The following KDM2B variants were observed in gnomAD, a reference collection of about 807,000 sequenced individuals.
KDM2B encodes the protein lysine-specific demethylase 2B.
In KDM2B, 26 loss-of-function variants were observed where a neutral mutation model predicts 150.0. The ratio of observed to expected loss-of-function variants is 0.17; its 90% confidence interval spans 0.13 to 0.24. The LOEUF is 0.24. Ranked by LOEUF, KDM2B falls within the 10% of genes least tolerant of loss-of-function variation. The pLI, the probability that KDM2B is intolerant of heterozygous loss-of-function variation, is 1.00. For synonymous variants in KDM2B, 734 were observed against 729.5 expected (o/e 1.01, Z -0.10); for missense variants, 1,265 against 1,816.9 (o/e 0.70, Z 5.52).
chr12:121,486,027 T>A (rs1262835913), intron 12 of KDM2B, among the ~76,000 whole-genome samples: 1 of 152,016 alleles, frequency 6.6e-6, no homozygotes, highest in Non-Finnish European at 1.5e-5. Flanking sequence ...TCCACCCACC[T>A]CAGCCTCCCA....
At position 121,453,450 on chromosome 12, in the gene KDM2B, TG is replaced by T. The variant is rs1336989632; in HGVS notation, c.1735-107del. ...ACTGTGTACCCCCAGAAAGACACGATGGGGGCTCTAAACCCCATTCCTCAGA... is the reference window on the plus strand; with the variant it reads ...ACTGTGTACCCCCAGAAAGACACGATGGGGCTCTAAACCCCATTCCTCAGA... On this transcript the variant is annotated intron_variant, in intron 12 of 22. Coordinates refer to ENST00000377071, the MANE Select transcript of KDM2B (RefSeq NM_032590.5). The surrounding 1 kb of genome is among the most constrained non-coding windows in gnomAD (Gnocchi z 6.4). 1.3e-6 allele frequency: 1 copy of T among 796,932 alleles called. No individual in the cohort carries two copies. The highest frequency in any genetic ancestry group is 2.0e-6 in the Non-Finnish European group (1 of 508,214). 49.4% of individuals were successfully genotyped at this position (796,932 alleles called of 1,614,324 possible). A position where few individuals can be genotyped will look rare whatever the true frequency, so the allele number is the denominator to read the frequency against.
intron 12 of KDM2B, among the ~76,000 whole-genome samples, chr12:121,485,169 G>A (rs1329508341): frequency 6.6e-6 from 1 of 152,090 alleles, no homozygotes; most frequent in African/African-American, 2.4e-5. Flanking sequence ...TTTCTGTCAT[G>A]AGCCTTTGTT....
chr12:121,572,889 G>A lies in KDM2B; in HGVS notation c.397+1658C>T, dbSNP rs551057811. On this transcript the variant is annotated intron_variant, in intron 4 of 22. Coordinates refer to ENST00000377071, the MANE Select transcript of KDM2B (RefSeq NM_032590.5). ...CACCCAGGCTGGAGTGCAGTGGCAC[G>A]ATCTCGGCTCACCACAACCTCTACC... Among the ~76,000 whole-genome samples, 86 of 147,462 alleles carry A rather than the reference G, an allele frequency of 5.8e-4. 1 individual carries two copies. The highest frequency in any genetic ancestry group is 3.8e-3 in the Admixed American group (55 of 14,436).
intron 6 of KDM2B, among the ~76,000 whole-genome samples, chr12:121,541,192 A>G (rs1888579256): frequency 6.6e-6 from 1 of 151,524 alleles, no homozygotes; most frequent in Non-Finnish European, 1.5e-5. Flanking sequence ...AGCTCGCACC[A>G]TTGCACTCCA....
At chr12:121,499,836 G>A (rs1463993782) in intron 11 of KDM2B, among the ~76,000 whole-genome samples, 1 of 151,996 alleles carries the variant, frequency 6.6e-6, no homozygotes, top group Non-Finnish European at 1.5e-5. Flanking sequence ...TGTGGTCTTA[G>A]CTGCTCGGGA....
chr12:121,451,329 T>C (rs1173705242), intron 13 of KDM2B, among the ~76,000 whole-genome samples: 1 of 152,214 alleles, frequency 6.6e-6, no homozygotes, highest in East Asian at 1.9e-4. Flanking sequence ...ATATAATACA[T>C]ATAAGATATG....
At chr12:121,561,373 T>G (rs540480139) in intron 4 of KDM2B, among the ~76,000 whole-genome samples, 5 of 152,282 alleles carry the variant, frequency 3.3e-5, no homozygotes, top group South Asian at 2.1e-4. Context: ...TCCTCATCCG[T>G]GTCACACAGG....
At chr12:121,451,593 T>G (rs782200735) in intron 13 of KDM2B, among the ~76,000 whole-genome samples, 6 of 152,160 alleles carry the variant, frequency 3.9e-5, no homozygotes, top group African/African-American at 1.4e-4. Context: ...AAGCAATCCA[T>G]ATGTCCATCA....
At chr12:121,450,760 T>C (rs1555291420) in intron 13 of KDM2B, among the ~76,000 whole-genome samples, 1 of 151,564 alleles carries the variant, frequency 6.6e-6, no homozygotes, top group Non-Finnish European at 1.5e-5. Context: ...CTCTGGAGGC[T>C]GAGGCAGGAA....
chr12:121,445,035 C>T, intron 14 of KDM2B: 1 of 524,064 alleles, frequency 1.9e-6, no homozygotes, highest in Non-Finnish European at 3.4e-6. Flanking sequence ...TCTGGAAACC[C>T]TCTCTGGTTC....
chr12:121,446,206 T>C (rs541793079), intron 13 of KDM2B, among the ~76,000 whole-genome samples: 55 of 151,160 alleles, frequency 3.6e-4, no homozygotes, highest in Middle Eastern at 6.8e-3. Context: ...CCATCCCGGC[T>C]ACCACGGTGA....
chr12:121,448,284 C>T (rs1318251836), intron 13 of KDM2B, among the ~76,000 whole-genome samples: 1 of 132,666 alleles, frequency 7.5e-6, no homozygotes, highest in Non-Finnish European at 1.5e-5. Flanking sequence ...CACACCACTG[C>T]ACTCCAGCCT....
chr12:121,417,384 C>G, the KDM2B span: 1 of 755,304 alleles, frequency 1.3e-6, no homozygotes, highest in Middle Eastern at 3.7e-4. The surrounding 1 kb of genome is among the most constrained non-coding windows in gnomAD (Gnocchi z 5.0). Context: ...TGGAAATAGT[C>G]TGGTGCCACT....
chr12:121,446,041 G>C (rs552329003), intron 13 of KDM2B, among the ~76,000 whole-genome samples: 1 of 152,268 alleles, frequency 6.6e-6, no homozygotes, highest in East Asian at 1.9e-4. Flanking sequence ...CTCAGCACCA[G>C]GCAAGGCAAG....
chr12:121,458,888 C>A (rs1322790735), intron 12 of KDM2B, among the ~76,000 whole-genome samples: 7 of 151,842 alleles, frequency 4.6e-5, no homozygotes, highest in Non-Finnish European at 2.9e-5. Flanking sequence ...CAGATTGAGA[C>A]CATCCTGCTC....
At chr12:121,425,093 T>G (rs140581463), downstream of KDM2B, among the ~76,000 whole-genome samples, 1,102 of 152,068 alleles carry the variant, frequency 7.2e-3, 15 homozygotes, top group African/African-American at 0.024. Context: ...GGGTGGATCA[T>G]GAGGTCAAGA....
intron 22 of KDM2B, among the ~76,000 whole-genome samples, chr12:121,431,879 C>CTTTTTTTTT (rs77237915): frequency 1.8e-4 from 22 of 122,374 alleles, no homozygotes; most frequent in African/African-American, 2.2e-4. Context: ...TTTCTTTTTT[C>CTTTTTTTTT]TTTTTTTTTT....
chr12:121,426,993 A>T (rs949339224), downstream of KDM2B, among the ~76,000 whole-genome samples: 8 of 152,264 alleles, frequency 5.3e-5, no homozygotes, highest in African/African-American at 1.9e-4. Flanking sequence ...GAATACAGTG[A>T]AGTCTCTTTA....
intron 4 of KDM2B, among the ~76,000 whole-genome samples, chr12:121,553,325 C>T (rs576098824): frequency 5.3e-4 from 80 of 152,222 alleles, no homozygotes; most frequent in African/African-American, 1.9e-3. Flanking sequence ...CCTAATCTTG[C>T]TCAAGGTCAT....
Sources: allele counts gnomAD v4.1 joint callset (sites outside exome capture counted in the v4.1 genomes callset), GRCh38; gene constraint gnomAD v4.1.1; non-coding constraint Gnocchi (gnomAD v3.1); transcripts MANE v1.5; gene names NCBI Gene and HGNC (gene_info 2026-07-23, HGNC 2026-07-21).